SPIRE1: variants seen among roughly 807,000 people sequenced by gnomAD.
The protein encoded by SPIRE1 is spire type actin nucleation factor 1, also known as protein spire homolog 1.
SPIRE1 carries 40 observed loss-of-function variants against 94.1 expected under a neutral mutation model. That is an observed-to-expected ratio of 0.43 (90% CI 0.33 to 0.55). The LOEUF (loss-of-function observed/expected upper bound fraction) is 0.55. SPIRE1 is among the 20% of genes least tolerant of loss of function. SPIRE1 has a pLI of 0.06. For missense variants in SPIRE1, 838 were observed against 975.2 expected (o/e 0.86, Z 1.87); for synonymous variants, 376 against 371.7 (o/e 1.01, Z -0.13).
At chr18:12,501,429 G>A (rs72877242) in intron 6 of SPIRE1, among the ~76,000 whole-genome samples, 8,508 of 152,208 alleles carry the variant, frequency 0.056, 324 homozygotes, top group Non-Finnish European at 0.08. Flanking sequence ...CTGCCGTCAC[G>A]CTGGAGTACC....
chr18:12,661,165 G>T (rs141761204), upstream of SPIRE1, among the ~76,000 whole-genome samples: 173 of 152,160 alleles, frequency 1.1e-3, 1 homozygote, highest in East Asian at 7.0e-3. Context: ...AAAATTAGCT[G>T]GGCATGGTGG....
chr18:12,573,157 C>A (rs1188430752), intron 2 of SPIRE1, among the ~76,000 whole-genome samples: 1 of 151,952 alleles, frequency 6.6e-6, no homozygotes, highest in Non-Finnish European at 1.5e-5. Flanking sequence ...GAAAACAACC[C>A]AATTATATAA....
At chr18:12,520,830 C>T (rs570532150) in intron 4 of SPIRE1, among the ~76,000 whole-genome samples, 1 of 152,244 alleles carries the variant, frequency 6.6e-6, no homozygotes, top group South Asian at 2.1e-4. Flanking sequence ...TATGAGAAAG[C>T]TGATTAAAAT....
intron 10 of SPIRE1, among the ~76,000 whole-genome samples, chr18:12,469,611 T>C (rs1021256868): frequency 9.0e-5 from 13 of 145,094 alleles, no homozygotes; most frequent in African/African-American, 3.0e-4. Flanking sequence ...TATTTATTTA[T>C]ATTTATATAA....
At chr18:12,577,857 G>C (rs984321075) in intron 2 of SPIRE1, among the ~76,000 whole-genome samples, 2 of 152,028 alleles carry the variant, frequency 1.3e-5, no homozygotes, top group Non-Finnish European at 2.9e-5. Context: ...TTAAAAAACA[G>C]AACTCAGTAA....
At chr18:12,516,248 C>T (rs1278826630) in intron 4 of SPIRE1, 1 of 152,208 alleles carries the variant, frequency 6.6e-6, no homozygotes, top group African/African-American at 2.4e-5. Flanking sequence ...CCCAGTACCT[C>T]ACTTCCTATT....
chr18:12,474,218 G>A (rs920706247), intron 10 of SPIRE1, among the ~76,000 whole-genome samples: 3 of 152,200 alleles, frequency 2.0e-5, no homozygotes, highest in Admixed American at 2.0e-4. Context: ...AAATTCTGGT[G>A]TCTCCTTCAA....
At chr18:12,525,460 T>C (rs896981856) in intron 4 of SPIRE1, among the ~76,000 whole-genome samples, 4 of 151,794 alleles carry the variant, frequency 2.6e-5, no homozygotes, top group African/African-American at 7.3e-5. Flanking sequence ...TTTTAAAATA[T>C]CAATATTTAA....
chr18:12,491,978 G>A (rs1256520395), intron 8 of SPIRE1, among the ~76,000 whole-genome samples: 3 of 152,224 alleles, frequency 2.0e-5, no homozygotes, highest in African/African-American at 7.2e-5. Context: ...AAAACAAAAT[G>A]CAATGGTTTG....
At chr18:12,549,010 C>T (rs1023948456) in intron 2 of SPIRE1, among the ~76,000 whole-genome samples, 16 of 152,154 alleles carry the variant, frequency 1.1e-4, no homozygotes, top group Admixed American at 5.9e-4. Flanking sequence ...CAGGACAATC[C>T]CCACTTTGTC....
chr18:12,461,461 T>TATGTACGTACATATGTGTGTATGCAC (rs1555680909), intron 12 of SPIRE1, among the ~76,000 whole-genome samples: 1 of 145,748 alleles, frequency 6.9e-6, no homozygotes, highest in African/African-American at 2.7e-5. Context: ...TGTGTATGTA[T>TATGTACGTACATATGTGTGTATGCAC]GTACATATGT....
chr18:12,598,009 A>G (rs562480996), intron 2 of SPIRE1, among the ~76,000 whole-genome samples: 1 of 152,294 alleles, frequency 6.6e-6, no homozygotes, highest in South Asian at 2.1e-4. Context: ...CAGAGTTCAC[A>G]TACTTTGGAT....
intron 12 of SPIRE1, among the ~76,000 whole-genome samples, chr18:12,461,579 A>ATGTGTGTATATGTATG (rs1324899604): frequency 2.4e-4 from 15 of 62,626 alleles, no homozygotes; most frequent in East Asian, 1.5e-3. Flanking sequence ...ATGTACATAC[A>ATGTGTGTATATGTATG]TATGTATATA....
At chr18:12,568,334 C>T (rs771283883) in intron 2 of SPIRE1, among the ~76,000 whole-genome samples, 1 of 152,138 alleles carries the variant, frequency 6.6e-6, no homozygotes, top group Non-Finnish European at 1.5e-5. Flanking sequence ...TGCTGCTGTC[C>T]AGCTATACTG....
At chr18:12,638,770 T>C (rs2038004709) in intron 1 of SPIRE1, among the ~76,000 whole-genome samples, 1 of 152,138 alleles carries the variant, frequency 6.6e-6, no homozygotes, top group Admixed American at 6.6e-5. Flanking sequence ...TAGCGAGTTA[T>C]CATGAGATCT....
chr18:12,650,277 GGCC>G (rs1195931532), intron 1 of SPIRE1, among the ~76,000 whole-genome samples: 12 of 152,026 alleles, frequency 7.9e-5, no homozygotes, highest in Admixed American at 7.9e-4. Flanking sequence ...AGTGACAGCA[GGCC>G]AGGCATGGTG....
At chr18:12,573,447 A>T (rs1861729331) in intron 2 of SPIRE1, among the ~76,000 whole-genome samples, 5 of 152,210 alleles carry the variant, frequency 3.3e-5, no homozygotes, top group Admixed American at 3.3e-4. Flanking sequence ...TTACCAAATG[A>T]TCTGGCAAAT....
chr18:12,660,763 T>C (rs575805114), upstream of SPIRE1, among the ~76,000 whole-genome samples: 7 of 152,210 alleles, frequency 4.6e-5, no homozygotes, highest in African/African-American at 7.2e-5. Context: ...GGCTTTTTTT[T>C]TTATTGCCAA....
chr18:12,589,520 T>C (rs2036473863), intron 2 of SPIRE1, among the ~76,000 whole-genome samples: 1 of 152,118 alleles, frequency 6.6e-6, no homozygotes, highest in Non-Finnish European at 1.5e-5. Flanking sequence ...GGCACAAATA[T>C]TGCCAGGATA....
Sources: allele counts gnomAD v4.1 joint callset (sites outside exome capture counted in the v4.1 genomes callset), GRCh38; gene constraint gnomAD v4.1.1; transcripts MANE v1.5; gene names NCBI Gene and HGNC (gene_info 2026-07-23, HGNC 2026-07-21).